The following DIS3 variants were observed in gnomAD, a reference collection of about 807,000 sequenced individuals.
DIS3 encodes the protein DIS3 exosome endoribonuclease and 3'-5' exoribonuclease.
DIS3 carries 103 observed loss-of-function variants against 113.0 expected under a neutral mutation model. The observed-to-expected ratio is 0.91, with a 90% CI of 0.78 to 1.07. DIS3 has a LOEUF of 1.07. DIS3 is among the 50% of genes least tolerant of loss of function. The probability of loss-of-function intolerance (pLI) is 0.00; values close to 1 mark genes in which losing one functional copy is unlikely to be tolerated. For missense variants in DIS3, 1,121 were observed against 1,167.1 expected, an observed-to-expected ratio of 0.96 and a Z score of 0.58; for synonymous variants, 402 against 394.3, an observed-to-expected ratio of 1.02 and a Z score of -0.23.
chr13:72,781,246 G>A (rs965738711), intron 1 of DIS3: 2 of 1,546,502 alleles, frequency 1.3e-6, no homozygotes, highest in Admixed American at 3.9e-5. Flanking sequence ...TATTAATAAA[G>A]GAATACGTTG....
intron 15 of DIS3, among the ~76,000 whole-genome samples, chr13:72,764,205 TAAATG>T (rs1313962117): frequency 6.6e-6 from 1 of 152,090 alleles, no homozygotes; most frequent in Non-Finnish European, 1.5e-5. Flanking sequence ...ACTCTATTTA[TAAATG>T]AAATGAAAAC....
Position 72,770,537 on chromosome 13 carries a change from G to A in DIS3, c.1755+367C>T, listed in dbSNP as rs558044209. Among the ~76,000 whole-genome samples the A allele has an allele frequency of 4.6e-5, 7 of 152,202 alleles. No homozygotes were observed. In the East Asian group the frequency reaches 1.2e-3, roughly 25 times the overall value. On this transcript the variant is annotated intron_variant, in intron 13 of 20. Transcript: ENST00000377767. ...GGTTACTTTGGCTTGGTACTAGCTGGGTCAAGAAAGCTGGCAATAAGACTC... is the reference window on the plus strand; with the variant it reads ...GGTTACTTTGGCTTGGTACTAGCTGAGTCAAGAAAGCTGGCAATAAGACTC...
intron 4 of DIS3, 33 bp from the exon 5 acceptor site, chr13:72,776,125 A>AT: frequency 6.4e-7 from 1 of 1,567,452 alleles, no homozygotes; most frequent in Non-Finnish European, 8.6e-7. Flanking sequence ...GATGCCGCTA[A>AT]TAAGTCTTCT....
chr13:72,773,851 A>C, intron 7 of DIS3, 30 bp from the exon 8 acceptor site: 1 of 1,598,108 alleles, frequency 6.3e-7, no homozygotes, highest in Non-Finnish European at 8.5e-7. Context: ...AAGATTTTAC[A>C]CAAAAAAAAT....
intron 6 of DIS3, among the ~76,000 whole-genome samples, 166 bp downstream of exon 6, chr13:72,775,040 TAAAAG>T (rs1386555046): frequency 6.6e-6 from 1 of 152,070 alleles, no homozygotes; most frequent in Non-Finnish European, 1.5e-5. Flanking sequence ...ATTAAGACAA[TAAAAG>T]AAAACTACAT....
rs544880610 is a variant in DIS3, at chr13:72,758,151, G to A, written c.*1644C>T. On this transcript the variant is annotated 3_prime_UTR_variant, in exon 21 of 21. Coordinates refer to ENST00000377767, the MANE Select transcript of DIS3 (RefSeq NM_014953.5). ...CCTTTTCTATGTTTAGATATGTTTAGATACACAAATACTTAGCACTGTGTT... is the reference window on the plus strand; with the variant it reads ...CCTTTTCTATGTTTAGATATGTTTAAATACACAAATACTTAGCACTGTGTT... 1 of 180,128 alleles carries A rather than the reference G, an allele frequency of 5.6e-6. No homozygotes were observed. The highest frequency in any genetic ancestry group is 2.4e-5 in the African/African-American group (1 of 42,354). 11.2% of individuals were successfully genotyped at this position (180,128 alleles called of 1,614,324 possible). A position where few individuals can be genotyped will look rare whatever the true frequency, so the allele number is the denominator to read the frequency against.
At chr13:72,763,361 A>C (rs2033672691) in intron 16 of DIS3, 90 bp downstream of exon 16, 12 of 1,430,024 alleles carry the variant, frequency 8.4e-6, no homozygotes, top group Admixed American at 2.4e-5. Context: ...ACAAACAATA[A>C]AACCTTTATG....
intron 6 of DIS3, among the ~76,000 whole-genome samples, chr13:72,774,821 G>A (rs745516361): frequency 1.2e-4 from 18 of 152,008 alleles, no homozygotes; most frequent in Non-Finnish European, 2.1e-4. Flanking sequence ...CCAGAATTAC[G>A]TCTATTATGT....
At chr13:72,767,915 T>G (rs2033792218) in intron 14 of DIS3, among the ~76,000 whole-genome samples, 2 of 152,194 alleles carry the variant, frequency 1.3e-5, no homozygotes, top group Non-Finnish European at 2.9e-5. Flanking sequence ...CAACGTCTTT[T>G]AAGAGTCAAA....
chr13:72,769,385 G>C (rs2033831974), intron 13 of DIS3, among the ~76,000 whole-genome samples: 1 of 151,672 alleles, frequency 6.6e-6, no homozygotes, highest in South Asian at 2.1e-4. Context: ...GTAAAAACCA[G>C]ACAAATGATA....
intron 1 of DIS3, 157 bp downstream of exon 1, chr13:72,781,448 C>T: frequency 6.8e-7 from 1 of 1,479,270 alleles, no homozygotes; most frequent in Non-Finnish European, 9.0e-7. Flanking sequence ...GGAAAAGAAC[C>T]TCGGCCTGGG....
intron 16 of DIS3, among the ~76,000 whole-genome samples, chr13:72,762,416 T>A (rs897633709): frequency 2.0e-5 from 3 of 152,110 alleles, no homozygotes; most frequent in African/African-American, 7.2e-5. Flanking sequence ...AATAAGACAA[T>A]GAAGGAAAAA....
Position 72,753,130 on chromosome 13 carries a change from T to A in DIS3, c.*6665A>T, listed in dbSNP as rs2033324321. ...CTGGCCTTTTTAGACACTCAATAAA[T>A]GTTTCCAAGCTGGAAGTTCGCTAGA... is the stretch of plus-strand genomic sequence containing the variant. On this transcript the variant is annotated 3_prime_UTR_variant, in exon 21 of 21. Transcript: ENST00000377767. 1 of 152,254 alleles carries A rather than the reference T, an allele frequency of 6.6e-6. No individual in the cohort carries two copies. The highest frequency in any genetic ancestry group is 1.5e-5 in the Non-Finnish European group (1 of 68,066). 9.4% of individuals were successfully genotyped at this position (152,254 alleles called of 1,614,324 possible).
chr13:72,758,782 CAG>C lies in DIS3; in HGVS notation c.*1011_*1012del, dbSNP rs2033555568. Reference sequence around the variant, plus strand: ...CACTATACTGCAAGCTCCTTGAAGGCAGAGATAATTTACTTGAGTGGAACCTG... The same window carrying C: ...CACTATACTGCAAGCTCCTTGAAGGCAGATAATTTACTTGAGTGGAACCTG... On this transcript the variant is annotated 3_prime_UTR_variant, in exon 21 of 21. Coordinates refer to ENST00000377767, the MANE Select transcript of DIS3 (RefSeq NM_014953.5). 4.9e-6 allele frequency: 1 copy of C among 202,642 alleles called. No individual in the cohort carries two copies. The highest frequency in any genetic ancestry group is 1.0e-5 in the Non-Finnish European group (1 of 98,542). 12.6% of individuals were successfully genotyped at this position (202,642 alleles called of 1,614,324 possible).
rs778838980 is a variant in DIS3 at position 72,778,287 on chromosome 13, C to T, written c.480G>A (p.Leu160=). 2 of 1,607,378 alleles carry T rather than the reference C, an allele frequency of 1.2e-6. No homozygotes were observed. The highest frequency in any genetic ancestry group is 1.7e-6 in the Non-Finnish European group (2 of 1,175,136). ...GCTGGTTGTCTGCTGACATTTTTTT[C>T]AAATGTTCATTGTACCATTTTGCTG... The part of the protein sequence containing the change: ...RVAAKWYNEH[L]KKMSADNQLQ... Residue 160 remains leucine (L), a synonymous_variant, in exon 3 of 21, where the codon TTG becomes TTA. Coordinates refer to ENST00000377767, the MANE Select transcript of DIS3 (RefSeq NM_014953.5).
intron 19 of DIS3, among the ~76,000 whole-genome samples, chr13:72,761,117 C>G (rs561180634): frequency 3.2e-4 from 49 of 151,988 alleles, no homozygotes; most frequent in Middle Eastern, 3.4e-3. Context: ...CAAAACTTTA[C>G]ATGGTATAAA....
rs1370266692 is a variant in DIS3, at chr13:72,772,840, C to G, written c.1240-1G>C. 3 of 1,592,808 alleles carry G rather than the reference C, an allele frequency of 1.9e-6. No individual in the cohort carries two copies. The highest frequency in any genetic ancestry group is 2.6e-6 in the Non-Finnish European group (3 of 1,173,176). On this transcript the variant is annotated splice_acceptor_variant, in intron 8 of 20. Coordinates refer to ENST00000377767, the MANE Select transcript of DIS3 (RefSeq NM_014953.5). LOFTEE classifies it high-confidence loss of function. ...CACCTAAATTTCTCACAAAGTGTCC[C>G]TGAAACCAAGAGGCATTATTAGAAA...
chr13:72,772,983 T>C, intron 8 of DIS3, 144 bp from the exon 9 acceptor site: 2 of 888,940 alleles, frequency 2.2e-6, no homozygotes. Flanking sequence ...TTTAGTAAAT[T>C]AGACAAGACT....
In DIS3 at chr13:72,777,445, C is replaced by T. The variant is rs372045592; in HGVS notation, c.629G>A (p.Arg210His). The T allele has an allele frequency of 8.9e-5, 144 of 1,613,900 alleles. No homozygotes were observed. The highest frequency in any genetic ancestry group is 1.0e-4 in the Non-Finnish European group (122 of 1,179,974). ...CCCTTCTTCAGACAAACAAGCAAGA[C>T]GATCTATGAGTTCGGGGTTAGCAGT... ...SLTANPELID[R>H]LACLSEEGNE... Residue 210 changes from arginine (R) to histidine (H), a missense_variant, in exon 4 of 21, where the codon CGT (arginine) becomes CAT (histidine). Arg to His is a conservative substitution (Grantham distance 29). This residue lies in a region of DIS3 where 861 missense variants were observed against 915.5 expected (regional missense o/e 0.94). Transcript: ENST00000377767.
Sources: allele counts gnomAD v4.1 joint callset (sites outside exome capture counted in the v4.1 genomes callset), GRCh38; gene constraint gnomAD v4.1.1; regional missense constraint gnomAD v4.1.1; transcripts MANE v1.5; gene names NCBI Gene and HGNC (gene_info 2026-07-23, HGNC 2026-07-21).